FAM222B: variants seen among roughly 807,000 people sequenced by gnomAD.
FAM222B encodes family with sequence similarity 222 member B.
In FAM222B, 12 loss-of-function variants were observed where a neutral mutation model predicts 38.0. The observed-to-expected ratio is 0.32, with a 90% CI of 0.20 to 0.51. FAM222B has a LOEUF of 0.51. FAM222B is among the 20% of genes least tolerant of loss of function. The pLI is 0.97. For synonymous variants in FAM222B, 329 were observed against 317.2 expected, an observed-to-expected ratio of 1.04 and a Z score of -0.40; for missense variants, 716 against 754.2, an observed-to-expected ratio of 0.95 and a Z score of 0.59.
In FAM222B at chr17:28,758,421, GTT is replaced by G. The variant is rs775439503; in HGVS notation, c.1536_1537del (p.Gln512HisfsTer50). ...GAAATCCCCACTTAGGTAATCCACTGTTTGCATCAAGCTGTTCTGGCTTGCCA... is the reference window on the plus strand; with the variant it reads ...GAAATCCCCACTTAGGTAATCCACTGTGCATCAAGCTGTTCTGGCTTGCCA... On this transcript the variant is annotated frameshift_variant, in exon 3 of 3. Transcript: ENST00000581407. LOFTEE classifies it high-confidence loss of function. 5.6e-6 allele frequency: 9 copies of G among 1,613,836 alleles called. No homozygotes were observed. Among genetic ancestry groups the G allele is most frequent in the African/African-American group, 1.3e-5 (1 of 74,908 alleles).
At chr17:28,834,019 C>T (rs1484865592) in intron 1 of FAM222B, among the ~76,000 whole-genome samples, 1 of 152,194 alleles carries the variant, frequency 6.6e-6, no homozygotes, top group Non-Finnish European at 1.5e-5. Flanking sequence ...TCCATGCCAG[C>T]AATTTCAACT....
Position 28,842,753 on chromosome 17 carries a change from T to C in FAM222B, c.-112A>G, listed in dbSNP as rs1024397096. On this transcript the variant is annotated 5_prime_UTR_variant, in exon 1 of 3. Coordinates refer to ENST00000581407, the MANE Select transcript of FAM222B (RefSeq NM_001077498.3). ...CCGCCCGCCGCCACCACTTCTCCAC[T>C]GCCCGGCCCCTCAGTCACCGGCGCA... is the stretch of plus-strand genomic sequence containing the variant. 43 of 153,660 alleles carry C rather than the reference T, an allele frequency of 2.8e-4. No individual in the cohort carries two copies. The highest frequency in any genetic ancestry group is 1.0e-3 in the African/African-American group (43 of 41,196). The allele number at this position is 153,660 out of a possible 1,614,324, so 9.5% of individuals were successfully genotyped here.
At position 28,789,109 on chromosome 17, in the gene FAM222B, A is replaced by AC. The variant is rs759438063; in HGVS notation, c.-40-22403dup. Among the ~76,000 whole-genome samples the AC allele has an allele frequency of 4.9e-3, 696 of 143,128 alleles. 3 individuals are homozygous for AC. Among genetic ancestry groups the AC allele is most frequent in the Non-Finnish European group, 8.7e-3 (568 of 65,506 alleles). 93.9% of individuals were successfully genotyped at this position (143,128 alleles called of 152,430 possible). On this transcript the variant is annotated intron_variant, in intron 1 of 2. Transcript: ENST00000581407. ...AAAAAAAAAAAAAAAAAAAACTAAC[A>AC]CCCCCCCGACAAGTAATCTTATGGA...
intron 1 of FAM222B, among the ~76,000 whole-genome samples, chr17:28,810,701 G>A (rs555832289): frequency 5.3e-5 from 8 of 152,252 alleles, no homozygotes; most frequent in South Asian, 2.1e-4. Context: ...CCTGACACAG[G>A]ATTACTGTGA....
At chr17:28,836,864 C>T (rs1028855727) in intron 1 of FAM222B, among the ~76,000 whole-genome samples, 2 of 151,996 alleles carry the variant, frequency 1.3e-5, no homozygotes, top group Non-Finnish European at 2.9e-5. Flanking sequence ...CCATATTGGG[C>T]ATAAGAGGGG....
chr17:28,791,067 C>T (rs1476495469), intron 1 of FAM222B, among the ~76,000 whole-genome samples: 1 of 151,104 alleles, frequency 6.6e-6, no homozygotes, highest in Non-Finnish European at 1.5e-5. Context: ...GCCACCACGC[C>T]CAGCTAATTT....
chr17:28,764,662 G>A (rs1318657675), intron 2 of FAM222B, among the ~76,000 whole-genome samples: 9 of 149,662 alleles, frequency 6.0e-5, no homozygotes, highest in Non-Finnish European at 1.2e-4. Context: ...GTAGAGAATC[G>A]CTTGAACCCA....
intron 1 of FAM222B, among the ~76,000 whole-genome samples, chr17:28,789,592 T>G (rs921897419): frequency 3.9e-5 from 6 of 152,108 alleles, no homozygotes; most frequent in African/African-American, 1.4e-4. Context: ...TCAATTGAAT[T>G]AGAAATGGAA....
chr17:28,828,344 C>G (rs2038518758), intron 1 of FAM222B, among the ~76,000 whole-genome samples: 1 of 151,624 alleles, frequency 6.6e-6, no homozygotes, highest in Non-Finnish European at 1.5e-5. Context: ...GACCAGATCA[C>G]TTGATCCCAG....
At chr17:28,842,933 G>A (rs1047403967), upstream of FAM222B, 4 of 152,318 alleles carry the variant, frequency 2.6e-5, no homozygotes, top group African/African-American at 9.7e-5. Flanking sequence ...ATGGGAGCTG[G>A]CCTTGAAGAA....
intron 1 of FAM222B, among the ~76,000 whole-genome samples, chr17:28,815,457 G>A (rs945726370): frequency 1.3e-5 from 2 of 151,436 alleles, no homozygotes; most frequent in Admixed American, 6.6e-5. Context: ...CTCGTAATCC[G>A]CCCGACTCGG....
intron 1 of FAM222B, among the ~76,000 whole-genome samples, chr17:28,825,910 G>C (rs1324672383): frequency 2.0e-5 from 3 of 151,884 alleles, no homozygotes; most frequent in African/African-American, 7.3e-5. Context: ...AAGTAGCTGG[G>C]ATTACAGGCA....
intron 1 of FAM222B, among the ~76,000 whole-genome samples, chr17:28,780,325 A>C (rs1435885087): frequency 6.6e-6 from 1 of 152,152 alleles, no homozygotes; most frequent in Non-Finnish European, 1.5e-5. Context: ...AAAGGAAGTA[A>C]AATTTTCTCT....
At chr17:28,768,722 G>C (rs911350003) in intron 1 of FAM222B, among the ~76,000 whole-genome samples, 2 of 151,268 alleles carry the variant, frequency 1.3e-5, no homozygotes, top group African/African-American at 4.9e-5. Context: ...TGTAGTCCCA[G>C]CTACTCAGGA....
chr17:28,802,582 CAA>C (rs2151905154), intron 1 of FAM222B: 1 of 161,906 alleles, frequency 6.2e-6, no homozygotes, highest in African/African-American at 2.4e-5. Context: ...CTCAGGCACT[CAA>C]AGAGATCTGG....
intron 1 of FAM222B, among the ~76,000 whole-genome samples, chr17:28,838,796 A>T (rs2038937892): frequency 4.6e-5 from 7 of 151,882 alleles, no homozygotes; most frequent in Admixed American, 4.6e-4. Context: ...AATCCCAGCT[A>T]CTCAGGAGGC....
In FAM222B at chr17:28,814,320, C is replaced by T. The variant is rs185576366; in HGVS notation, c.-41+28362G>A. The stretch of plus-strand genomic sequence containing the variant: ...ACTCTACAACACTGCTTAATCCCCC[C>T]GAACACTACTATAATTTAAAACAAA... On this transcript the variant is annotated intron_variant, in intron 1 of 2. Transcript: ENST00000581407. 6.3e-3 allele frequency among the ~76,000 whole-genome samples: 952 copies of T among 152,220 alleles called. 4 individuals are homozygous for T. Among genetic ancestry groups the T allele is most frequent in the Non-Finnish European group, 0.011 (736 of 68,016 alleles).
upstream of FAM222B, among the ~76,000 whole-genome samples, chr17:28,846,747 A>G (rs1390509712): frequency 6.6e-6 from 1 of 152,050 alleles, no homozygotes; most frequent in East Asian, 1.9e-4. Context: ...GGTCCTCAAT[A>G]TCCAAGGGTT....
chr17:28,796,994 C>CTTTT (rs34242589), intron 1 of FAM222B, among the ~76,000 whole-genome samples: 92 of 81,596 alleles, frequency 1.1e-3, no homozygotes, highest in African/African-American at 1.7e-3. Context: ...GTGGCTATTG[C>CTTTT]TTTTTTTTTT....
Sources: allele counts gnomAD v4.1 joint callset (sites outside exome capture counted in the v4.1 genomes callset), GRCh38; gene constraint gnomAD v4.1.1; transcripts MANE v1.5; gene names NCBI Gene and HGNC (gene_info 2026-07-23, HGNC 2026-07-21).